Variants in PCNX1 observed in about 807,000 individuals in gnomAD.
The protein encoded by PCNX1 is pecanex-like protein 1.
Under a neutral mutation model 242.2 loss-of-function variants are expected in PCNX1, and 78 were observed. That is an observed-to-expected ratio of 0.32 (90% confidence interval 0.27 to 0.39). PCNX1 has a LOEUF of 0.39. Ranked by LOEUF, PCNX1 falls within the 10% of genes least tolerant of loss-of-function variation. PCNX1 has a pLI of 1.00. For synonymous variants in PCNX1, 1,024 were observed against 1,032.9 expected (o/e 0.99, Z 0.17); for missense variants, 2,581 against 2,856.5 (o/e 0.90, Z 2.20).
At chr14:71,028,634 G>A (rs929059002) in intron 15 of PCNX1, 66 bp from the exon 16 acceptor site, 9 of 902,414 alleles carry the variant, frequency 1.0e-5, no homozygotes, top group Non-Finnish European at 1.6e-5. Context: ...ATGCTTTTCA[G>A]TGACCTTTTA....
At chr14:70,987,001 A>G (rs933411017) in intron 6 of PCNX1, among the ~76,000 whole-genome samples, 4 of 152,118 alleles carry the variant, frequency 2.6e-5, no homozygotes, top group East Asian at 1.9e-4. Flanking sequence ...AGGTATACCA[A>G]TTGTTCATCT....
At chr14:71,100,996 G>A (rs1210061879) in intron 30 of PCNX1, among the ~76,000 whole-genome samples, 2 of 152,234 alleles carry the variant, frequency 1.3e-5, no homozygotes, top group East Asian at 3.9e-4. Flanking sequence ...GTGAAATAAT[G>A]TAGAACATTT....
intron 16 of PCNX1, among the ~76,000 whole-genome samples, chr14:71,030,651 C>T (rs987651012): frequency 4.6e-5 from 7 of 152,094 alleles, no homozygotes; most frequent in Non-Finnish European, 1.0e-4. Context: ...TCTTTTAAAT[C>T]TTGATGACAG....
chr14:70,930,161 G>T (rs956607271), intron 1 of PCNX1, among the ~76,000 whole-genome samples: 1 of 152,002 alleles, frequency 6.6e-6, no homozygotes, highest in African/African-American at 2.4e-5. Context: ...AAGGGACAGG[G>T]TCTCCCTATG....
intron 2 of PCNX1, among the ~76,000 whole-genome samples, chr14:70,949,606 A>C (rs1045801536): frequency 6.6e-6 from 1 of 152,106 alleles, no homozygotes; most frequent in African/African-American, 2.4e-5. Flanking sequence ...TTTCTTTCCT[A>C]GATCTTTGCA....
intron 11 of PCNX1, among the ~76,000 whole-genome samples, chr14:71,016,230 A>G (rs533771688): frequency 6.6e-6 from 1 of 152,344 alleles, no homozygotes; most frequent in East Asian, 1.9e-4. Flanking sequence ...ATGTTTGTAC[A>G]CCTGAAACAG....
At chr14:70,948,113 C>T (rs567059758) in intron 2 of PCNX1, among the ~76,000 whole-genome samples, 1 of 152,176 alleles carries the variant, frequency 6.6e-6, no homozygotes, top group East Asian at 1.9e-4. Flanking sequence ...GGACAGTGAA[C>T]CTCATCAGTA....
chr14:71,082,675 C>CT (rs1035365447), intron 28 of PCNX1, among the ~76,000 whole-genome samples: 17 of 150,782 alleles, frequency 1.1e-4, no homozygotes, highest in East Asian at 1.9e-4. Context: ...GCAACCCCTG[C>CT]TTTTTTTTTG....
intron 5 of PCNX1, among the ~76,000 whole-genome samples, chr14:70,972,809 A>G (rs915634902): frequency 6.6e-6 from 1 of 152,148 alleles, no homozygotes; most frequent in Non-Finnish European, 1.5e-5. Flanking sequence ...TACCTTCCCT[A>G]TCCAAGATCA....
intron 1 of PCNX1, among the ~76,000 whole-genome samples, chr14:70,940,311 G>C (rs564166335): frequency 2.9e-4 from 44 of 152,266 alleles, no homozygotes; most frequent in Non-Finnish European, 5.4e-4. Flanking sequence ...AGGAGCTCTT[G>C]TAAGGCAGGC....
At chr14:70,988,852 A>AT (rs1208358082) in intron 7 of PCNX1, among the ~76,000 whole-genome samples, 153 bp downstream of exon 7, 2 of 152,208 alleles carry the variant, frequency 1.3e-5, no homozygotes. Flanking sequence ...CTTTTTCTGC[A>AT]TGTGACCATG....
At position 70,968,199 on chromosome 14, in the gene PCNX1, TTGGATC is replaced by T; in HGVS notation, c.474_479del (p.Gly160_Ser161del). On this transcript the variant is annotated inframe_deletion and splice_region_variant, in exon 4 of 36. Coordinates refer to ENST00000304743, the MANE Select transcript of PCNX1 (RefSeq NM_014982.3). ...ATTTACTTCATGTCACGTTTTCAGA[TTGGATC>T]TGGTTCCTCGCGTCTTGGAACAGCA... 1 of 1,611,894 alleles carries T rather than the reference TTGGATC, an allele frequency of 6.2e-7. No homozygotes were observed. The highest frequency in any genetic ancestry group is 8.5e-7 in the Non-Finnish European group (1 of 1,178,030).
chr14:71,075,898 T>C (rs960754959), intron 27 of PCNX1, among the ~76,000 whole-genome samples: 7 of 152,068 alleles, frequency 4.6e-5, no homozygotes, highest in Admixed American at 4.6e-4. Flanking sequence ...AATAAATAAA[T>C]AATAAAATAA....
At chr14:70,909,772 C>A (rs1360887439) in intron 1 of PCNX1, among the ~76,000 whole-genome samples, 1 of 152,118 alleles carries the variant, frequency 6.6e-6, no homozygotes, top group Non-Finnish European at 1.5e-5. Context: ...ATGTACTAGA[C>A]ACTTTCTGAG....
chr14:71,112,320 T>C lies in PCNX1; in HGVS notation c.*2385T>C, dbSNP rs1272121106. 1.3e-5 allele frequency: 2 copies of C among 152,122 alleles called. No homozygotes were observed. Among genetic ancestry groups the C allele is most frequent in the Non-Finnish European group, 1.5e-5 (1 of 67,946 alleles). 9.4% of individuals were successfully genotyped at this position (152,122 alleles called of 1,614,324 possible). A position where few individuals can be genotyped will look rare whatever the true frequency, so the allele number is the denominator to read the frequency against. On this transcript the variant is annotated 3_prime_UTR_variant, in exon 36 of 36. Coordinates refer to ENST00000304743, the MANE Select transcript of PCNX1 (RefSeq NM_014982.3). ...TAGACTTTATATGGAACATATATGT[T>C]GGGTTTTGATTTTGGGTAGCAATTG...
At chr14:71,063,472 C>G (rs770825452) in intron 26 of PCNX1, among the ~76,000 whole-genome samples, 11 of 152,260 alleles carry the variant, frequency 7.2e-5, no homozygotes, top group Non-Finnish European at 1.5e-4. Flanking sequence ...GTTTCGTAGA[C>G]TGATTAAATA....
In PCNX1 at chr14:70,947,119, C is replaced by G; in HGVS notation, c.358C>G (p.Pro120Ala). Residue 120 changes from proline (P) to alanine (A), a missense_variant, in exon 2 of 36, where the codon CCG becomes GCG. Transcript: ENST00000304743. ...AACCAGGAGAAAAGACAGCAATGGA[C>G]CGAGGTAAGGAAACCTATGTCATTG... is the stretch of plus-strand genomic sequence containing the variant. ...CSTRRKDSNG[P>A]SDPGGGIEMS... The G allele has an allele frequency of 6.2e-7, 1 of 1,604,374 alleles. No individual in the cohort carries two copies. Among genetic ancestry groups the G allele is most frequent in the Non-Finnish European group, 8.5e-7 (1 of 1,173,514 alleles).
At chr14:71,008,482 C>G (rs563880272) in intron 8 of PCNX1, among the ~76,000 whole-genome samples, 7 of 151,702 alleles carry the variant, frequency 4.6e-5, no homozygotes, top group Non-Finnish European at 1.0e-4. Flanking sequence ...CGGTGAAAAC[C>G]TGTCTCTACT....
At chr14:71,051,372 A>G (rs61990410) in intron 23 of PCNX1, among the ~76,000 whole-genome samples, 2,168 of 152,256 alleles carry the variant, frequency 0.014, 24 homozygotes, top group Middle Eastern at 0.034. Flanking sequence ...TCTTTAATAC[A>G]TACAAGAAAT....
Sources: gnomAD v4.1 joint callset for allele counts (sites outside exome capture counted in the v4.1 genomes callset) on GRCh38, gnomAD v4.1.1 for gene constraint, MANE v1.5 for transcripts, NCBI Gene and HGNC (gene_info 2026-07-23, HGNC 2026-07-21) for gene names.